The following ANKRD62 variants were observed in gnomAD, a reference collection of about 807,000 sequenced individuals.
The protein encoded by ANKRD62 is ankyrin repeat domain-containing protein 62.
A neutral mutation model predicts 98.8 loss-of-function variants in ANKRD62; 61 were observed. The observed-to-expected ratio is 0.62, with a 90% CI of 0.50 to 0.76. The LOEUF is 0.76. ANKRD62 is among the 30% of genes least tolerant of loss of function. ANKRD62 has a pLI of 0.00. For missense variants in ANKRD62, 933 were observed against 1,082.9 expected, an observed-to-expected ratio of 0.86 and a Z score of 1.94; for synonymous variants, 341 against 367.9, an observed-to-expected ratio of 0.93 and a Z score of 0.84.
chr18:12,093,983 G>T lies in ANKRD62; in HGVS notation c.-35G>T, dbSNP rs187628951. On this transcript the variant is annotated 5_prime_UTR_variant, in exon 1 of 14. Coordinates refer to ENST00000587848, the MANE Select transcript of ANKRD62 (RefSeq NM_001277333.2). ...GTGGGAGCTGAGGTGTCTTAAAGCC[G>T]TTCCTCAGCCTGGGAGAAGATCTCT... The T allele has an allele frequency of 5.9e-6, 9 of 1,530,346 alleles. No individual in the cohort carries two copies. The South Asian group carries it at 1.1e-4, about 18-fold the overall frequency. The allele number at this position is 1,530,346 out of a possible 1,614,324, so 94.8% of individuals were successfully genotyped here.
chr18:12,098,721 T>C (rs1387058290), intron 5 of ANKRD62, among the ~76,000 whole-genome samples: 1 of 152,184 alleles, frequency 6.6e-6, no homozygotes, highest in Non-Finnish European at 1.5e-5. Context: ...AAATATATTG[T>C]TAGTATGTAT....
chr18:12,126,727 G>T (rs973582464), intron 13 of ANKRD62, among the ~76,000 whole-genome samples: 1 of 152,156 alleles, frequency 6.6e-6, no homozygotes, highest in Non-Finnish European at 1.5e-5. Flanking sequence ...CAGATATAAA[G>T]AAATATTCAT....
At position 12,093,912 on chromosome 18, in the gene ANKRD62, G is replaced by T; in HGVS notation, c.-106G>T. The T allele has an allele frequency of 8.9e-7, 1 of 1,118,546 alleles. No homozygotes were observed. Among genetic ancestry groups the T allele is most frequent in the Non-Finnish European group, 1.3e-6 (1 of 779,472 alleles). 69.3% of individuals were successfully genotyped at this position (1,118,546 alleles called of 1,614,324 possible). A position where few individuals can be genotyped will look rare whatever the true frequency, so the allele number is the denominator to read the frequency against. On this transcript the variant is annotated 5_prime_UTR_variant, in exon 1 of 14. Coordinates refer to ENST00000587848, the MANE Select transcript of ANKRD62 (RefSeq NM_001277333.2). ...GTGTCCCTGACGGAGGTTGCGGCTG[G>T]ACCTGGTTACGTGCTGGTGCTGCGC...
At chr18:12,127,133 G>A (rs1163141886) in intron 13 of ANKRD62, among the ~76,000 whole-genome samples, 2 of 152,162 alleles carry the variant, frequency 1.3e-5, no homozygotes, top group African/African-American at 2.4e-5. Context: ...TTGGATATAA[G>A]GTTATCCGGT....
At chr18:12,134,589 T>C (rs1295126509), downstream of ANKRD62, among the ~76,000 whole-genome samples, 3 of 152,144 alleles carry the variant, frequency 2.0e-5, no homozygotes, top group African/African-American at 7.2e-5. Context: ...GTGTTCTCAT[T>C]GTTCAGTTCC....
the ANKRD62 span, among the ~76,000 whole-genome samples, chr18:12,177,715 G>C: frequency 6.6e-6 from 1 of 151,500 alleles, no homozygotes; most frequent in Non-Finnish European, 1.5e-5. Flanking sequence ...TTCATCCTGG[G>C]AGCCAGACAC....
chr18:12,155,530 T>G, the ANKRD62 span, among the ~76,000 whole-genome samples: 93,312 of 152,062 alleles, frequency 0.61, 29,085 homozygotes, highest in Middle Eastern at 0.76. Flanking sequence ...CGGGCTTCCT[T>G]GTCCCCATGG....
chr18:12,115,312 G>T, intron 9 of ANKRD62, 81 bp from the exon 10 acceptor site: 1 of 1,338,498 alleles, frequency 7.5e-7, no homozygotes, highest in Non-Finnish European at 9.8e-7. Flanking sequence ...GTAAAAAGAC[G>T]GATAATTCCC....
chr18:12,118,608 T>TAAAAA (rs34897974), intron 10 of ANKRD62, among the ~76,000 whole-genome samples: 1 of 141,088 alleles, frequency 7.1e-6, no homozygotes, highest in Non-Finnish European at 1.5e-5. Flanking sequence ...GGCTCTGTCT[T>TAAAAA]AAAAAAAAAA....
the ANKRD62 span, among the ~76,000 whole-genome samples, chr18:12,145,173 G>T: frequency 1.3e-5 from 2 of 152,116 alleles, no homozygotes; most frequent in Admixed American, 6.6e-5. Flanking sequence ...TCTGCCCCAG[G>T]TTGGCCTGCA....
chr18:12,160,596 C>T, the ANKRD62 span, among the ~76,000 whole-genome samples: 2 of 152,082 alleles, frequency 1.3e-5, no homozygotes, highest in Non-Finnish European at 2.9e-5. Flanking sequence ...TCAGCTGGGG[C>T]TTGTATTTCA....
intron 13 of ANKRD62, 89 bp from the exon 14 acceptor site, chr18:12,127,659 C>T (rs1213004731): frequency 5.2e-6 from 5 of 961,278 alleles, no homozygotes; most frequent in South Asian, 3.2e-5. Context: ...TGGTATTTTT[C>T]GAAGTGTGTA....
rs372510836 is a variant in ANKRD62, at chr18:12,115,075, G to GTTT, written c.1065-5_1065-3dup. On this transcript the variant is annotated splice_polypyrimidine_tract_variant and intron_variant, in intron 8 of 13. Transcript: ENST00000587848. Reference sequence around the variant, plus strand: ...CTATTTGCCTGATTGGAATTTTTTGGTTTTTTTTTTAGGCTTGCAAGGAAA... The same window carrying GTTT: ...CTATTTGCCTGATTGGAATTTTTTGGTTTTTTTTTTTTTAGGCTTGCAAGGAAA... 2.5e-6 allele frequency: 3 copies of GTTT among 1,198,710 alleles called. No homozygotes were observed. The highest frequency in any genetic ancestry group is 1.1e-6 in the Non-Finnish European group (1 of 927,028). The allele number at this position is 1,198,710 out of a possible 1,614,324, so 74.3% of individuals were successfully genotyped here. A position where few individuals can be genotyped will look rare whatever the true frequency, so the allele number is the denominator to read the frequency against.
At chr18:12,145,066 C>CA in the ANKRD62 span, among the ~76,000 whole-genome samples, 1 of 152,096 alleles carries the variant, frequency 6.6e-6, no homozygotes, top group Non-Finnish European at 1.5e-5. Flanking sequence ...TTGCTTGAAC[C>CA]CAGGAGGCGG....
At chr18:12,173,388 T>C in the ANKRD62 span, among the ~76,000 whole-genome samples, 2 of 152,274 alleles carry the variant, frequency 1.3e-5, no homozygotes, top group African/African-American at 2.4e-5. Context: ...ATGTGTGTCA[T>C]TGCATGTGAA....
chr18:12,107,262 A>G (rs756110806), intron 7 of ANKRD62, 33 bp from the exon 8 acceptor site: 3 of 1,392,530 alleles, frequency 2.2e-6, no homozygotes, highest in Non-Finnish European at 2.8e-6. Context: ...TAAAATAATG[A>G]CAATTATTCT....
chr18:12,120,575 T>C (rs1369539339), intron 10 of ANKRD62, among the ~76,000 whole-genome samples: 1 of 152,218 alleles, frequency 6.6e-6, no homozygotes, highest in Non-Finnish European at 1.5e-5. Flanking sequence ...TGCTTTCTTA[T>C]AGAATCTGTC....
chr18:12,108,812 T>A (rs4417606), intron 8 of ANKRD62, among the ~76,000 whole-genome samples: 90,722 of 151,886 alleles, frequency 0.6, 27,614 homozygotes, highest in Middle Eastern at 0.74. Context: ...AAAAGAAAGG[T>A]GCCATGGGCC....
downstream of ANKRD62, among the ~76,000 whole-genome samples, chr18:12,131,991 C>T (rs552409699): frequency 2.0e-5 from 3 of 152,026 alleles, no homozygotes; most frequent in East Asian, 5.8e-4. Flanking sequence ...CTACAAAATA[C>T]CTGCTTGGAT....
Sources: allele counts gnomAD v4.1 joint callset (sites outside exome capture counted in the v4.1 genomes callset), GRCh38; gene constraint gnomAD v4.1.1; transcripts MANE v1.5; gene names NCBI Gene and HGNC (gene_info 2026-07-23, HGNC 2026-07-21).